Variants in TNIP3 observed in about 807,000 individuals in gnomAD.
TNIP3 encodes the protein TNFAIP3-interacting protein 3.
A neutral mutation model predicts 54.1 loss-of-function variants in TNIP3; 34 were observed. The observed-to-expected ratio is 0.63, with a 90% CI of 0.48 to 0.84. TNIP3 has a LOEUF of 0.84. Ranked by LOEUF, TNIP3 falls within the 40% of genes least tolerant of loss-of-function variation. TNIP3 has a pLI of 0.00. For synonymous variants in TNIP3, 134 were observed against 136.8 expected, an observed-to-expected ratio of 0.98 and a Z score of 0.14; for missense variants, 366 against 387.6, an observed-to-expected ratio of 0.94 and a Z score of 0.47.
intron 2 of TNIP3, among the ~76,000 whole-genome samples, chr4:121,207,079 A>G (rs1022659774): frequency 6.6e-6 from 1 of 152,210 alleles, no homozygotes; most frequent in Non-Finnish European, 1.5e-5. Context: ...ATGGAAGATC[A>G]TATTAGTGAA....
chr4:121,183,047 G>A lies in TNIP3; in HGVS notation c.69-251C>T, dbSNP rs577547957. On this transcript the variant is annotated intron_variant, in intron 2 of 12. Transcript: ENST00000507879. ...TAGGAATTTTCAGTCTGAGAACAAT[G>A]GCAAGAATTGAATCGAACACTCACG... 2.0e-4 allele frequency among the ~76,000 whole-genome samples: 31 copies of A among 152,276 alleles called. No individual in the cohort carries two copies. In the South Asian group the frequency reaches 3.7e-3, roughly 18 times the overall value.
At chr4:121,173,076 A>T (rs765041631) in intron 3 of TNIP3, among the ~76,000 whole-genome samples, 1 of 152,220 alleles carries the variant, frequency 6.6e-6, no homozygotes, top group Non-Finnish European at 1.5e-5. Flanking sequence ...TGGGTGGCTG[A>T]ACCCATATCA....
intron 10 of TNIP3, among the ~76,000 whole-genome samples, chr4:121,134,733 C>G (rs1371272911): frequency 1.3e-5 from 2 of 152,152 alleles, no homozygotes; most frequent in South Asian, 2.1e-4. Context: ...TACTCAGCAC[C>G]TACCACCCTC....
intron 1 of TNIP3, among the ~76,000 whole-genome samples, chr4:121,161,726 C>T (rs1474810184): frequency 6.6e-6 from 1 of 152,136 alleles, no homozygotes; most frequent in Non-Finnish European, 1.5e-5. Context: ...CACATACAGC[C>T]ATTACTGTGT....
chr4:121,138,555 G>T, intron 10 of TNIP3, 69 bp downstream of exon 10: 1 of 1,441,082 alleles, frequency 6.9e-7, no homozygotes, highest in Non-Finnish European at 9.8e-7. Context: ...TGTATGTTGA[G>T]TAAACATCCC....
intron 3 of TNIP3, among the ~76,000 whole-genome samples, chr4:121,175,466 T>A (rs1343631060): frequency 6.6e-6 from 1 of 152,182 alleles, no homozygotes; most frequent in African/African-American, 2.4e-5. Flanking sequence ...CTCCCAGTGT[T>A]GTCGTCTGCT....
At chr4:121,138,839 C>A (rs1056503171) in intron 9 of TNIP3, among the ~76,000 whole-genome samples, 155 bp from the exon 10 acceptor site, 2 of 151,978 alleles carry the variant, frequency 1.3e-5, no homozygotes, top group African/African-American at 2.4e-5. Flanking sequence ...CCTGCTTACC[C>A]CCCATCACTG....
chr4:121,191,975 A>G (rs192691789), intron 2 of TNIP3, among the ~76,000 whole-genome samples: 2 of 152,362 alleles, frequency 1.3e-5, no homozygotes, highest in Admixed American at 6.5e-5. Flanking sequence ...TTATTTAGAT[A>G]CCATATATTT....
intron 4 of TNIP3, among the ~76,000 whole-genome samples, chr4:121,155,865 G>C (rs938823439): frequency 4.6e-5 from 7 of 151,930 alleles, no homozygotes; most frequent in African/African-American, 1.7e-4. Context: ...ATCCGCTTTA[G>C]GTAATTCATT....
intron 2 of TNIP3, among the ~76,000 whole-genome samples, chr4:121,197,161 G>C (rs1318386917): frequency 6.6e-6 from 1 of 152,034 alleles, no homozygotes; most frequent in African/African-American, 2.4e-5. Flanking sequence ...TGGCTGCTAA[G>C]AGTTAAGAAA....
At chr4:121,187,710 AG>A (rs1462979625) in intron 2 of TNIP3, among the ~76,000 whole-genome samples, 1 of 152,254 alleles carries the variant, frequency 6.6e-6, no homozygotes, top group African/African-American at 2.4e-5. Flanking sequence ...GATAAGATAT[AG>A]GGATCAGGTC....
intron 2 of TNIP3, among the ~76,000 whole-genome samples, chr4:121,188,168 A>G (rs991859292): frequency 1.1e-4 from 16 of 152,276 alleles, no homozygotes; most frequent in African/African-American, 2.6e-4. Flanking sequence ...CTTATTTTAA[A>G]CTTACATGGA....
chr4:121,166,471 C>T (rs1240362171), upstream of TNIP3, among the ~76,000 whole-genome samples: 1 of 152,214 alleles, frequency 6.6e-6, no homozygotes, highest in African/African-American at 2.4e-5. Flanking sequence ...AGCTTTGTTT[C>T]ATGAGAAGTA....
intron 10 of TNIP3, among the ~76,000 whole-genome samples, chr4:121,135,022 G>C (rs1728698135): frequency 6.6e-6 from 1 of 152,148 alleles, no homozygotes; most frequent in Non-Finnish European, 1.5e-5. Flanking sequence ...CTCCCAGCTG[G>C]GCTGTCTTCA....
At chr4:121,161,721 A>G (rs931925834) in intron 1 of TNIP3, among the ~76,000 whole-genome samples, 11 of 152,210 alleles carry the variant, frequency 7.2e-5, no homozygotes, top group African/African-American at 2.7e-4. Context: ...ACAAACACAT[A>G]CAGCCATTAC....
At chr4:121,156,411 T>C (rs1349220941) in intron 4 of TNIP3, among the ~76,000 whole-genome samples, 1 of 152,168 alleles carries the variant, frequency 6.6e-6, no homozygotes, top group African/African-American at 2.4e-5. Flanking sequence ...AAAGCTGTCA[T>C]CTCAATTGTC....
intron 10 of TNIP3, among the ~76,000 whole-genome samples, chr4:121,134,663 C>T (rs1352755284): frequency 3.3e-5 from 5 of 152,062 alleles, no homozygotes; most frequent in Non-Finnish European, 7.4e-5. Flanking sequence ...CTGAAATAAC[C>T]ACAGACAGTA....
chr4:121,141,905 G>A lies in TNIP3; in HGVS notation c.796C>T (p.Pro266Ser), dbSNP rs1375381182. The A allele has an allele frequency of 3.1e-6, 5 of 1,597,046 alleles. No homozygotes were observed. Among genetic ancestry groups the A allele is most frequent in the African/African-American group, 1.4e-5 (1 of 73,998 alleles). The change falls in exon 9 of 11, where the codon CCA (proline) becomes TCA (serine). Residue 266 changes from proline to serine, a missense_variant. Physicochemically the swap from Pro to Ser is moderately conservative, Grantham distance 74. Coordinates refer to ENST00000057513, the MANE Select transcript of TNIP3 (RefSeq NM_024873.6). The stretch of plus-strand genomic sequence containing the variant: ...AAAACCAAGCCGCAGTTACAGGGTG[G>A]GCAATACATCTGAGGAGAACAAAAC... ...LEKQLKQMYC[P>S]PCNCGLVFHL...
At chr4:121,216,343 C>G (rs547662751) in intron 2 of TNIP3, 1 of 1,296,338 alleles carries the variant, frequency 7.7e-7, no homozygotes, top group South Asian at 1.3e-5. Context: ...ACTATCATTG[C>G]CACAAAGCAG....
Sources: gnomAD v4.1 joint callset for allele counts (sites outside exome capture counted in the v4.1 genomes callset) on GRCh38, gnomAD v4.1.1 for gene constraint, MANE v1.5 for transcripts, NCBI Gene and HGNC (gene_info 2026-07-23, HGNC 2026-07-21) for gene names.